Variants in SV2C observed in about 807,000 individuals in gnomAD.
The protein encoded by SV2C is solute carrier family 22 member B3.
A neutral mutation model predicts 79.7 loss-of-function variants in SV2C; 49 were observed. That is an observed-to-expected ratio of 0.61 (90% confidence interval 0.49 to 0.78). The LOEUF is 0.78. Ranked by LOEUF, SV2C falls within the 30% of genes least tolerant of loss-of-function variation. SV2C has a pLI of 0.00. For synonymous variants in SV2C, 334 were observed against 333.2 expected (o/e 1.00, Z -0.03); for missense variants, 833 against 912.9 (o/e 0.91, Z 1.13).
At chr5:76,079,024 G>A (rs79979289), upstream of SV2C, 8,427 of 421,660 alleles carry the variant, frequency 0.02, 601 homozygotes, top group African/African-American at 0.16. Context: ...TTGAAGAGGG[G>A]CCATCAACAG....
At chr5:75,937,920 TTTAA>T in the SV2C span, among the ~76,000 whole-genome samples, 2 of 152,018 alleles carry the variant, frequency 1.3e-5, no homozygotes, top group African/African-American at 4.8e-5. Context: ...AATTTCTTCT[TTTAA>T]TTATCAATTT....
chr5:76,005,147 A>G, the SV2C span, among the ~76,000 whole-genome samples: 4 of 152,204 alleles, frequency 2.6e-5, no homozygotes, highest in Admixed American at 6.6e-5. Context: ...AGCTAATACA[A>G]TATCACAGGA....
the SV2C span, among the ~76,000 whole-genome samples, chr5:75,881,179 G>A: frequency 3.3e-5 from 5 of 151,962 alleles, no homozygotes; most frequent in African/African-American, 1.2e-4. Context: ...CCAAAACTGG[G>A]GATTATGTTT....
the SV2C span, among the ~76,000 whole-genome samples, chr5:75,879,082 G>A: frequency 6.6e-6 from 1 of 152,122 alleles, no homozygotes; most frequent in Non-Finnish European, 1.5e-5. Flanking sequence ...ATCGCCAAGG[G>A]TATGGCGCTA....
intron 1 of SV2C, among the ~76,000 whole-genome samples, chr5:76,102,787 T>C (rs2047541647): frequency 6.6e-6 from 1 of 152,184 alleles, no homozygotes; most frequent in South Asian, 2.1e-4. Flanking sequence ...TGTTGAGAGA[T>C]GTTGAATAAA....
At chr5:76,208,596 CA>C (rs1744678571) in intron 3 of SV2C, among the ~76,000 whole-genome samples, 1 of 152,168 alleles carries the variant, frequency 6.6e-6, no homozygotes, top group Non-Finnish European at 1.5e-5. Flanking sequence ...ACTTCTTTAT[CA>C]TATCAAAGGC....
chr5:75,919,255 C>A, the SV2C span, among the ~76,000 whole-genome samples: 14 of 152,224 alleles, frequency 9.2e-5, no homozygotes, highest in Non-Finnish European at 1.8e-4. Flanking sequence ...GAGAAAAAAA[C>A]ATCCTTTCTG....
chr5:76,029,075 AC>A, the SV2C span, among the ~76,000 whole-genome samples: 1 of 152,232 alleles, frequency 6.6e-6, no homozygotes. Context: ...GTCTTATAGA[AC>A]AAGTGTTCTC....
the SV2C span, among the ~76,000 whole-genome samples, chr5:75,872,099 A>T: frequency 6.8e-5 from 10 of 147,334 alleles, no homozygotes; most frequent in Non-Finnish European, 1.3e-4. Flanking sequence ...ATATATGAAT[A>T]TATATATGGT....
At chr5:76,298,450 G>A (rs945012214) in intron 9 of SV2C, among the ~76,000 whole-genome samples, 3 of 152,274 alleles carry the variant, frequency 2.0e-5, no homozygotes, top group South Asian at 2.1e-4. Context: ...ATGAAGAGAC[G>A]ATAGGATTAA....
intron 3 of SV2C, among the ~76,000 whole-genome samples, chr5:76,206,652 C>A (rs188485418): frequency 1.3e-5 from 2 of 152,300 alleles, no homozygotes; most frequent in South Asian, 2.1e-4. Flanking sequence ...AAATTCAGTT[C>A]TTTTGCGTAA....
Position 76,171,538 on chromosome 5 carries a change from G to A in SV2C, c.581-23381G>A, listed in dbSNP as rs1294235177. On this transcript the variant is annotated intron_variant, in intron 2 of 12. Transcript: ENST00000502798. ...CGTCTGAGAAGTGAGGAGCCTCTCCGCCCGGCAGCCACCCCATCTGGGAAG... is the reference window on the plus strand; with the variant it reads ...CGTCTGAGAAGTGAGGAGCCTCTCCACCCGGCAGCCACCCCATCTGGGAAG... Among the ~76,000 whole-genome samples, 30 of 140,400 alleles carry A rather than the reference G, an allele frequency of 2.1e-4. 1 individual carries two copies. Among genetic ancestry groups the A allele is most frequent in the African/African-American group, 6.6e-4 (26 of 39,254 alleles). 92.1% of individuals were successfully genotyped at this position (140,400 alleles called of 152,430 possible).
At chr5:76,127,401 T>G (rs527353576) in intron 1 of SV2C, among the ~76,000 whole-genome samples, 4 of 152,380 alleles carry the variant, frequency 2.6e-5, no homozygotes, top group African/African-American at 9.6e-5. Context: ...TACATATTTG[T>G]GCAAAATATC....
intron 12 of SV2C, among the ~76,000 whole-genome samples, chr5:76,350,726 G>C (rs1462441972): frequency 6.6e-6 from 1 of 152,166 alleles, no homozygotes; most frequent in Admixed American, 6.5e-5. Flanking sequence ...ACAAAATTCT[G>C]TAAGATGGGC....
intron 4 of SV2C, among the ~76,000 whole-genome samples, chr5:76,257,377 TG>T (rs962237907): frequency 6.6e-6 from 1 of 150,464 alleles, no homozygotes; most frequent in Non-Finnish European, 1.5e-5. Flanking sequence ...TGTTGGGGTG[TG>T]GGGGGTGCGT....
intron 12 of SV2C, among the ~76,000 whole-genome samples, chr5:76,352,173 A>G (rs953004613): frequency 2.0e-5 from 3 of 152,190 alleles, no homozygotes; most frequent in South Asian, 2.1e-4. Flanking sequence ...AGCTTGCGCC[A>G]TTGCACTCCA....
chr5:76,276,596 G>A (rs1747028509), intron 4 of SV2C, among the ~76,000 whole-genome samples: 1 of 150,676 alleles, frequency 6.6e-6, no homozygotes, highest in African/African-American at 2.5e-5. Context: ...CCAAAGTGCT[G>A]GAATTACAGG....
chr5:76,296,065 A>C (rs1747747730), intron 9 of SV2C, 123 bp downstream of exon 9: 8 of 898,274 alleles, frequency 8.9e-6, no homozygotes, highest in African/African-American at 1.7e-5. Flanking sequence ...ACATTTAGTC[A>C]TTTTCATGAT....
At chr5:76,284,712 C>T (rs1445479644) in intron 4 of SV2C, among the ~76,000 whole-genome samples, 1 of 152,204 alleles carries the variant, frequency 6.6e-6, no homozygotes, top group Non-Finnish European at 1.5e-5. Context: ...TCACTCTGTT[C>T]TCTTGCCTTC....
Sources: allele counts gnomAD v4.1 joint callset (sites outside exome capture counted in the v4.1 genomes callset), GRCh38; gene constraint gnomAD v4.1.1; transcripts MANE v1.5; gene names NCBI Gene and HGNC (gene_info 2026-07-23, HGNC 2026-07-21).